The following MMP16 variants were observed in gnomAD, a reference collection of about 807,000 sequenced individuals.
MMP16 encodes the protein matrix metallopeptidase 16, also known as matrix metalloproteinase-16.
A neutral mutation model predicts 67.8 loss-of-function variants in MMP16; 12 were observed. That is an observed-to-expected ratio of 0.18 (90% CI 0.11 to 0.29). The LOEUF is 0.29. MMP16 is among the 10% of genes least tolerant of loss of function. The probability of loss-of-function intolerance (pLI) is 1.00; values close to 1 mark genes in which losing one functional copy is unlikely to be tolerated. For missense variants in MMP16, 475 were observed against 765.7 expected (o/e 0.62, Z 4.48); for synonymous variants, 249 against 255.9 (o/e 0.97, Z 0.26).
intron 1 of MMP16, among the ~76,000 whole-genome samples, chr8:88,291,534 T>C (rs1169094138): frequency 6.6e-6 from 1 of 152,190 alleles, no homozygotes; most frequent in Non-Finnish European, 1.5e-5. Flanking sequence ...GTTCACTCTC[T>C]GCTTTCACTA....
chr8:88,088,380 C>G (rs185877555), intron 6 of MMP16, among the ~76,000 whole-genome samples: 1 of 151,842 alleles, frequency 6.6e-6, no homozygotes, highest in Non-Finnish European at 1.5e-5. Context: ...GGGAATGTGC[C>G]ATAGGGAAAG....
At chr8:88,176,494 A>T (rs1808892381) in intron 3 of MMP16, among the ~76,000 whole-genome samples, 1 of 152,182 alleles carries the variant, frequency 6.6e-6, no homozygotes, top group Admixed American at 6.5e-5. Context: ...TCTAAAATGA[A>T]AACAGTGTAT....
At chr8:88,168,614 G>A (rs1184741411) in intron 3 of MMP16, among the ~76,000 whole-genome samples, 1 of 152,098 alleles carries the variant, frequency 6.6e-6, no homozygotes, top group African/African-American at 2.4e-5. Context: ...TTGTCCTGAT[G>A]CTAATAACAA....
At chr8:88,159,132 T>C (rs1808567513) in intron 4 of MMP16, among the ~76,000 whole-genome samples, 2 of 152,296 alleles carry the variant, frequency 1.3e-5, no homozygotes, top group African/African-American at 4.8e-5. Flanking sequence ...TGGCTTAGGA[T>C]TGTCTTGGCA....
At chr8:88,067,868 C>T (rs1808483484) in intron 7 of MMP16, among the ~76,000 whole-genome samples, 1 of 152,036 alleles carries the variant, frequency 6.6e-6, no homozygotes, top group African/African-American at 2.4e-5. Context: ...AATATAGCTG[C>T]TTTGAATATT....
At chr8:88,169,014 A>G (rs1563552346) in intron 3 of MMP16, among the ~76,000 whole-genome samples, 1 of 152,116 alleles carries the variant, frequency 6.6e-6, no homozygotes, top group Non-Finnish European at 1.5e-5. Flanking sequence ...GCTGATAAAT[A>G]AAATATTTAA....
chr8:88,235,003 C>G (rs1240925993), intron 1 of MMP16, among the ~76,000 whole-genome samples: 1 of 152,102 alleles, frequency 6.6e-6, no homozygotes, highest in African/African-American at 2.4e-5. Context: ...TTATGTGTTT[C>G]TTTCTTTTTG....
intron 7 of MMP16, among the ~76,000 whole-genome samples, chr8:88,072,767 T>A (rs764989357): frequency 6.6e-6 from 1 of 152,156 alleles, no homozygotes; most frequent in Non-Finnish European, 1.5e-5. Context: ...ATAAACAAGT[T>A]CCATCTCTCA....
At position 88,033,828 on chromosome 8, in the gene MMP16, C is replaced by G. The variant is rs1294389325; in HGVS notation, c.*7633G>C. 6.6e-6 allele frequency: 1 copy of G among 151,984 alleles called. No homozygotes were observed. Among genetic ancestry groups the G allele is most frequent in the Non-Finnish European group, 1.5e-5 (1 of 67,948 alleles). 9.4% of individuals were successfully genotyped at this position (151,984 alleles called of 1,614,324 possible). On this transcript the variant is annotated 3_prime_UTR_variant, in exon 10 of 10. Transcript: ENST00000286614. Reference sequence around the variant, plus strand: ...CACCCCTAATTCTTTGATTCTATCTCTCTTTCTAATATATATGTAATTTAC... The same window carrying G: ...CACCCCTAATTCTTTGATTCTATCTGTCTTTCTAATATATATGTAATTTAC...
At chr8:88,179,209 G>A (rs948271012) in intron 3 of MMP16, among the ~76,000 whole-genome samples, 11 of 151,934 alleles carry the variant, frequency 7.2e-5, no homozygotes, top group Non-Finnish European at 1.6e-4. Context: ...AAAGCCAGAA[G>A]GGGGTAAAAT....
intron 4 of MMP16, among the ~76,000 whole-genome samples, chr8:88,128,743 T>C (rs1347420415): frequency 6.6e-6 from 1 of 151,776 alleles, no homozygotes; most frequent in African/African-American, 2.4e-5. Flanking sequence ...ACCTCCTCTC[T>C]ATACTTAGTA....
At chr8:88,107,078 G>A (rs1809254870) in intron 6 of MMP16, among the ~76,000 whole-genome samples, 2 of 150,924 alleles carry the variant, frequency 1.3e-5, no homozygotes, top group African/African-American at 4.8e-5. Context: ...GATCCACCTG[G>A]GAATTTACTT....
intron 4 of MMP16, among the ~76,000 whole-genome samples, chr8:88,142,862 T>C (rs532313137): frequency 1.3e-5 from 2 of 152,262 alleles, no homozygotes; most frequent in East Asian, 1.9e-4. Context: ...GGATGTTAAA[T>C]ACAGAAGAAT....
At chr8:88,071,926 C>T (rs1389445403) in intron 7 of MMP16, among the ~76,000 whole-genome samples, 1 of 151,864 alleles carries the variant, frequency 6.6e-6, no homozygotes, top group East Asian at 1.9e-4. Context: ...AAAAGTCTGT[C>T]AAAGCCCAGT....
At chr8:88,125,358 G>A (rs1160354939) in intron 4 of MMP16, among the ~76,000 whole-genome samples, 1 of 151,874 alleles carries the variant, frequency 6.6e-6, no homozygotes, top group Non-Finnish European at 1.5e-5. Context: ...GTGGTTTAAA[G>A]CATGTCTAAT....
chr8:88,310,001 G>C (rs1811271586), intron 1 of MMP16, among the ~76,000 whole-genome samples: 1 of 152,050 alleles, frequency 6.6e-6, no homozygotes, highest in South Asian at 2.1e-4. Context: ...AGCTCAAAGA[G>C]GGATGGAAAT....
At chr8:88,144,548 A>G (rs1206749339) in intron 4 of MMP16, among the ~76,000 whole-genome samples, 1 of 151,840 alleles carries the variant, frequency 6.6e-6, no homozygotes, top group Non-Finnish European at 1.5e-5. Context: ...CTTTTATCTA[A>G]TTTTAGCAAA....
chr8:88,145,437 T>C (rs1186723006), intron 4 of MMP16, among the ~76,000 whole-genome samples: 1 of 151,982 alleles, frequency 6.6e-6, no homozygotes, highest in African/African-American at 2.4e-5. Flanking sequence ...GTCACATGAC[T>C]ATATACATTT....
Position 88,034,608 on chromosome 8 carries a change from T to C in MMP16, c.*6853A>G, listed in dbSNP as rs757718696. 6.6e-6 allele frequency: 1 copy of C among 152,206 alleles called. No homozygotes were observed. The highest frequency in any genetic ancestry group is 2.1e-4 in the South Asian group (1 of 4,832). The allele number at this position is 152,206 out of a possible 1,614,324, so 9.4% of individuals were successfully genotyped here. ...GGCCTCTGTGACGGTATTTCAGTAATAGCAAAAATTGTAACATTGATTTAA... is the reference window on the plus strand; with the variant it reads ...GGCCTCTGTGACGGTATTTCAGTAACAGCAAAAATTGTAACATTGATTTAA... On this transcript the variant is annotated 3_prime_UTR_variant, in exon 10 of 10. Transcript: ENST00000286614.
Sources: allele counts gnomAD v4.1 joint callset (sites outside exome capture counted in the v4.1 genomes callset), GRCh38; gene constraint gnomAD v4.1.1; transcripts MANE v1.5; gene names NCBI Gene and HGNC (gene_info 2026-07-23, HGNC 2026-07-21).